The following OSBPL10 variants were observed in gnomAD, a reference collection of about 807,000 sequenced individuals.
OSBPL10 encodes the protein oxysterol binding protein like 10, also known as oxysterol-binding protein-related protein 10.
In OSBPL10, 49 loss-of-function variants were observed where a neutral mutation model predicts 81.7. That is an observed-to-expected ratio of 0.60 (90% CI 0.48 to 0.76). The LOEUF (loss-of-function observed/expected upper bound fraction) is 0.76. Ranked by LOEUF, OSBPL10 falls within the 30% of genes least tolerant of loss-of-function variation. OSBPL10 has a pLI of 0.00. For synonymous variants in OSBPL10, 419 were observed against 383.6 expected, an observed-to-expected ratio of 1.09 and a Z score of -1.08; for missense variants, 923 against 987.8, an observed-to-expected ratio of 0.93 and a Z score of 0.88.
Position 31,683,839 on chromosome 3 carries a change from A to C in OSBPL10, c.1521T>G (p.Ser507=). The C allele has an allele frequency of 6.2e-7, 1 of 1,614,250 alleles. No homozygotes were observed. The highest frequency in any genetic ancestry group is 8.5e-7 in the Non-Finnish European group (1 of 1,180,048). Residue 507 remains serine, a synonymous_variant, in exon 8 of 12, where the codon TCT becomes TCG. Coordinates refer to ENST00000396556, the MANE Select transcript of OSBPL10 (RefSeq NM_017784.5). ...TTGGGTGTTCGTGACAGCTGGCAGG[A>C]GAGCGGGAAGCAGTCCTCTTAGGCT... ...RVKPKRTASR[S]PASCHEHPMA... is the part of the protein sequence containing the mutation.
chr3:32,003,436 C>A (rs1292699057), intron 2 of OSBPL10, among the ~76,000 whole-genome samples: 2 of 152,174 alleles, frequency 1.3e-5, no homozygotes, highest in Non-Finnish European at 2.9e-5. Flanking sequence ...TGTAGACTTG[C>A]CCTGAACCAT....
At chr3:31,929,399 AT>A (rs1382964399) in intron 1 of OSBPL10, among the ~76,000 whole-genome samples, 2 of 152,238 alleles carry the variant, frequency 1.3e-5, no homozygotes, top group African/African-American at 4.8e-5. Context: ...CAGACAAAAA[AT>A]AACCAGTTAT....
chr3:31,954,798 A>G (rs1697960973), intron 1 of OSBPL10, among the ~76,000 whole-genome samples: 1 of 152,232 alleles, frequency 6.6e-6, no homozygotes, highest in Admixed American at 6.5e-5. Flanking sequence ...ATTGTTAATG[A>G]TATGTGTTAA....
intron 7 of OSBPL10, among the ~76,000 whole-genome samples, chr3:31,695,408 T>C (rs541690514): frequency 6.6e-6 from 1 of 152,234 alleles, no homozygotes; most frequent in South Asian, 2.1e-4. Context: ...ATCCAGTCCC[T>C]AGTCTTACCA....
intron 1 of OSBPL10, among the ~76,000 whole-genome samples, chr3:31,941,249 C>T (rs979465162): frequency 6.6e-5 from 10 of 151,944 alleles, no homozygotes; most frequent in African/African-American, 2.4e-4. Flanking sequence ...TATCAAGATC[C>T]GGTGCAAACA....
intron 1 of OSBPL10, among the ~76,000 whole-genome samples, chr3:32,059,292 C>A (rs1699737239): frequency 6.7e-6 from 1 of 149,220 alleles, no homozygotes; most frequent in South Asian, 2.1e-4. Flanking sequence ...AAGACTCTGT[C>A]TCAAAACAAC....
intron 2 of OSBPL10, among the ~76,000 whole-genome samples, chr3:32,035,178 G>A (rs530997614): frequency 6.6e-6 from 1 of 152,160 alleles, no homozygotes; most frequent in Admixed American, 6.5e-5. Context: ...TCTGGTTTGG[G>A]AGCCTGCCTG....
In OSBPL10 at chr3:31,947,884, T is replaced by TGATTGCACCACTACATTCC; in HGVS notation, c.281+33014_281+33015insGGAATGTAGTGGTGCAATC. Among the ~76,000 whole-genome samples the TGATTGCACCACTACATTCC allele has an allele frequency of 3.3e-3, 496 of 152,240 alleles. 1 individual carries two copies. Among genetic ancestry groups the TGATTGCACCACTACATTCC allele is most frequent in the African/African-American group, 0.011 (477 of 41,538 alleles). ...GAGGGAAACTGCATAGGAGTTGAGA[T>TGATTGCACCACTACATTCC]AAGCCCAGCCTCCGTCTGATCCCAC... is the stretch of plus-strand genomic sequence containing the variant. On this transcript the variant is annotated intron_variant, in intron 1 of 11. Coordinates refer to ENST00000396556, the MANE Select transcript of OSBPL10 (RefSeq NM_017784.5).
intron 1 of OSBPL10, among the ~76,000 whole-genome samples, chr3:31,966,991 T>C (rs1270840380): frequency 6.6e-6 from 1 of 151,708 alleles, no homozygotes; most frequent in African/African-American, 2.4e-5. Flanking sequence ...AGCAAGTTCA[T>C]GGACAATCTC....
chr3:31,785,979 T>C (rs1698851089), intron 4 of OSBPL10, among the ~76,000 whole-genome samples: 1 of 152,184 alleles, frequency 6.6e-6, no homozygotes, highest in Non-Finnish European at 1.5e-5. Flanking sequence ...GCAACTTGCG[T>C]AGAAGTTGGA....
At chr3:31,803,981 T>TA (rs1448469623) in intron 4 of OSBPL10, among the ~76,000 whole-genome samples, 2 of 152,216 alleles carry the variant, frequency 1.3e-5, no homozygotes, top group East Asian at 3.8e-4. Flanking sequence ...TTTCTCTTTG[T>TA]AAAAAAATAA....
chr3:31,727,947 T>C (rs570288569), intron 6 of OSBPL10, among the ~76,000 whole-genome samples: 3 of 152,300 alleles, frequency 2.0e-5, no homozygotes, highest in Non-Finnish European at 2.9e-5. Flanking sequence ...AGTTCAAAAG[T>C]TCAGTGCTAT....
intron 4 of OSBPL10, among the ~76,000 whole-genome samples, chr3:31,802,309 G>A (rs1283289267): frequency 6.6e-6 from 1 of 151,376 alleles, no homozygotes; most frequent in African/African-American, 2.4e-5. Flanking sequence ...TGTAATCCCA[G>A]CACTTTGGGA....
chr3:31,807,243 C>T (rs545537685), intron 4 of OSBPL10, among the ~76,000 whole-genome samples: 12 of 152,098 alleles, frequency 7.9e-5, no homozygotes, highest in African/African-American at 2.9e-4. Flanking sequence ...AGCCAGGCGT[C>T]GTGTTGCACA....
chr3:31,878,914 G>C (rs1701552182), intron 2 of OSBPL10, among the ~76,000 whole-genome samples: 1 of 151,896 alleles, frequency 6.6e-6, no homozygotes, highest in East Asian at 1.9e-4. Flanking sequence ...AAAAGTGGCA[G>C]AAGAATCACA....
At chr3:31,961,331 G>A (rs986662864) in intron 1 of OSBPL10, among the ~76,000 whole-genome samples, 3 of 152,146 alleles carry the variant, frequency 2.0e-5, no homozygotes, top group African/African-American at 7.2e-5. Context: ...GCCAGGGAAG[G>A]CTTCAGGAGA....
At chr3:31,769,919 A>G (rs967980995) in intron 4 of OSBPL10, among the ~76,000 whole-genome samples, 1 of 152,198 alleles carries the variant, frequency 6.6e-6, no homozygotes, top group Non-Finnish European at 1.5e-5. Flanking sequence ...TCTGAAATCT[A>G]TGGACCCTGC....
chr3:31,992,536 C>A (rs1366162924), intron 2 of OSBPL10, among the ~76,000 whole-genome samples: 2 of 152,060 alleles, frequency 1.3e-5, no homozygotes, highest in African/African-American at 2.4e-5. Flanking sequence ...TGGTTTTTGG[C>A]CCCTTTCAGC....
chr3:31,851,123 G>A (rs1413945873), intron 3 of OSBPL10, among the ~76,000 whole-genome samples: 7 of 152,176 alleles, frequency 4.6e-5, no homozygotes, highest in Non-Finnish European at 8.8e-5. Flanking sequence ...GCCAAGGAAC[G>A]CTCTAGTAAC....
Sources: gnomAD v4.1 joint callset for allele counts (sites outside exome capture counted in the v4.1 genomes callset) on GRCh38, gnomAD v4.1.1 for gene constraint, MANE v1.5 for transcripts, NCBI Gene and HGNC (gene_info 2026-07-23, HGNC 2026-07-21) for gene names.